Variants in ZSCAN22 observed in about 807,000 individuals in gnomAD.
ZSCAN22 encodes zinc finger and SCAN domain-containing protein 22.
In ZSCAN22, 7 loss-of-function variants were observed where a neutral mutation model predicts 12.4. The ratio of observed to expected loss-of-function variants is 0.57; its 90% CI spans 0.32 to 1.06. The LOEUF (loss-of-function observed/expected upper bound fraction) is 1.06, where lower values mean the gene tolerates loss of function less well. ZSCAN22 is among the 50% of genes least tolerant of loss of function. The pLI is 0.04. For missense variants in ZSCAN22, 576 were observed against 631.7 expected, an observed-to-expected ratio of 0.91 and a Z score of 0.94; for synonymous variants, 243 against 255.9, an observed-to-expected ratio of 0.95 and a Z score of 0.48.
chr19:58,334,080 G>A (rs1485820591), intron 1 of ZSCAN22, among the ~76,000 whole-genome samples: 3 of 152,194 alleles, frequency 2.0e-5, no homozygotes, highest in African/African-American at 7.2e-5. Context: ...AGCAAGTAAA[G>A]TGAGAGAATG....
At chr19:58,328,103 G>C (rs1210681373) in intron 1 of ZSCAN22, among the ~76,000 whole-genome samples, 1 of 152,190 alleles carries the variant, frequency 6.6e-6, no homozygotes, top group African/African-American at 2.4e-5. Flanking sequence ...CACCTGCCTA[G>C]GCCTCCCAAA....
In ZSCAN22 at chr19:58,341,742, T is replaced by C. The variant is rs908789050; in HGVS notation, c.*2416T>C. On this transcript the variant is annotated 3_prime_UTR_variant, in exon 3 of 3. Transcript: ENST00000329665. ...AGAGAGGAGAGATGCACATTCCTAGTGAAATTGCACAGGCTTCCAGCATGC... is the reference window on the plus strand; with the variant it reads ...AGAGAGGAGAGATGCACATTCCTAGCGAAATTGCACAGGCTTCCAGCATGC... 7 of 152,130 alleles carry C rather than the reference T, an allele frequency of 4.6e-5. No homozygotes were observed. The highest frequency in any genetic ancestry group is 1.7e-4 in the African/African-American group (7 of 41,412). 9.4% of individuals were successfully genotyped at this position (152,130 alleles called of 1,614,324 possible).
Position 58,338,779 on chromosome 19 carries a change from A to G in ZSCAN22, c.929A>G (p.His310Arg). The part of the protein sequence containing the change: ...ECGKAFSRST[H>R]LAQHQVVHTG... The stretch of plus-strand genomic sequence containing the variant: ...GGGAAAGCCTTCAGCCGGAGCACTC[A>G]CCTCGCCCAGCACCAGGTTGTCCAC... The change falls in exon 3 of 3, where the codon CAC (histidine) becomes CGC (arginine). Residue 310 changes from histidine to arginine, a missense_variant. Transcript: ENST00000329665. This position sits in a 1 kb window ranked among gnomAD's most constrained non-coding sequence, Gnocchi z 5.4. The G allele has an allele frequency of 6.2e-7, 1 of 1,614,024 alleles. No homozygotes were observed. Among genetic ancestry groups the G allele is most frequent in the Admixed American group, 1.7e-5 (1 of 60,004 alleles).
At chr19:58,327,817 ATC>A (rs2051672843) in intron 1 of ZSCAN22, among the ~76,000 whole-genome samples, 2 of 152,146 alleles carry the variant, frequency 1.3e-5, no homozygotes, top group African/African-American at 4.8e-5. Context: ...AATGACTGTG[ATC>A]AGAATAATAC....
chr19:58,334,504 G>C (rs1037677613), intron 1 of ZSCAN22, among the ~76,000 whole-genome samples: 1 of 152,156 alleles, frequency 6.6e-6, no homozygotes, highest in African/African-American at 2.4e-5. Flanking sequence ...ATTTTTAGTA[G>C]AGACGGGGTT....
intron 2 of ZSCAN22, among the ~76,000 whole-genome samples, chr19:58,336,017 G>T (rs2051792762): frequency 6.6e-6 from 1 of 152,170 alleles, no homozygotes; most frequent in Non-Finnish European, 1.5e-5. Context: ...ATAGGAGGTG[G>T]GCATACCACA....
Position 58,339,246 on chromosome 19 carries a change from T to C in ZSCAN22, c.1396T>C (p.Cys466Arg), listed in dbSNP as rs754224592. 6.2e-7 allele frequency: 1 copy of C among 1,614,196 alleles called. No homozygotes were observed. The change falls in exon 3 of 3, where the codon TGC becomes CGC. Residue 466 changes from cysteine (C) to arginine (R), a missense_variant. Cys to Arg is a radical substitution (Grantham distance 180). Transcript: ENST00000329665. The surrounding 1 kb of genome is among the most constrained non-coding windows in gnomAD (Gnocchi z 5.6). ...CCACACGGGAGAGAAGCCTTATAAGTGCAGCGACTGTGGGAAGGCCTTCAG... is the reference window on the plus strand; with the variant it reads ...CCACACGGGAGAGAAGCCTTATAAGCGCAGCGACTGTGGGAAGGCCTTCAG... ...RIHTGEKPYK[C>R]SDCGKAFSRS...
chr19:58,332,284 T>C (rs2147984278), intron 1 of ZSCAN22, among the ~76,000 whole-genome samples: 1 of 144,842 alleles, frequency 6.9e-6, no homozygotes, highest in Non-Finnish European at 1.5e-5. Context: ...TTTTTTTTTT[T>C]TTTTTTTGAG....
chr19:58,339,421 G>T lies in ZSCAN22; in HGVS notation c.*95G>T. Reference sequence around the variant, plus strand: ...TTCCTGAAGAGCCACAGACAGGGTGGGTGATTGATGAGTTGTCAAAATGAT... The same window carrying T: ...TTCCTGAAGAGCCACAGACAGGGTGTGTGATTGATGAGTTGTCAAAATGAT... On this transcript the variant is annotated 3_prime_UTR_variant, in exon 3 of 3. Transcript: ENST00000329665. This position sits in a 1 kb window ranked among gnomAD's most constrained non-coding sequence, Gnocchi z 5.6. 4.2e-6 allele frequency: 5 copies of T among 1,184,330 alleles called. No individual in the cohort carries two copies. The highest frequency in any genetic ancestry group is 5.8e-6 in the Non-Finnish European group (5 of 858,680). 73.4% of individuals were successfully genotyped at this position (1,184,330 alleles called of 1,614,324 possible).
intron 1 of ZSCAN22, among the ~76,000 whole-genome samples, chr19:58,328,168 A>G (rs1403133566): frequency 6.6e-6 from 1 of 152,004 alleles, no homozygotes; most frequent in Non-Finnish European, 1.5e-5. Context: ...TGTTTATTTG[A>G]CTGATTATAG....
In ZSCAN22 at chr19:58,335,025, T is replaced by C. The variant is rs778340140; in HGVS notation, c.223T>C (p.Cys75Arg). Residue 75 changes from cysteine to arginine, a missense_variant, in exon 2 of 3, where the codon TGT becomes CGT. By Grantham distance (180) the Cys-to-Arg change is radical. Coordinates refer to ENST00000329665, the MANE Select transcript of ZSCAN22 (RefSeq NM_181846.3). The surrounding 1 kb of genome is among the most constrained non-coding windows in gnomAD (Gnocchi z 4.1). ...EALAHLRALC[C>R]QWLQPEAHSK... ...CCTGGCCCACCTCCGAGCGCTGTGC[T>C]GTCAGTGGCTGCAGCCCGAGGCGCA... The C allele has an allele frequency of 6.2e-7, 1 of 1,614,098 alleles. No individual in the cohort carries two copies. The highest frequency in any genetic ancestry group is 8.5e-7 in the Non-Finnish European group (1 of 1,180,050).
Position 58,338,614 on chromosome 19 carries a change from G to A in ZSCAN22, c.764G>A (p.Gly255Glu). Reference protein sequence around the residue: ...EDKFDLVDAYGTEPPYTYSGK... With the variant: ...EDKFDLVDAYETEPPYTYSGK... ...AAATTTGATCTGGTGGATGCTTATG[G>A]GACAGAGCCTCCATACACCTACTCA... The change falls in exon 3 of 3, where the codon GGG (glycine) becomes GAG (glutamate). Residue 255 changes from glycine (G) to glutamate (E), a missense_variant. By Grantham distance (98) the Gly-to-Glu change is moderately conservative (BLOSUM62 -2). Transcript: ENST00000329665. The surrounding 1 kb of genome is among the most constrained non-coding windows in gnomAD (Gnocchi z 5.4). 1 of 1,614,206 alleles carries A rather than the reference G, an allele frequency of 6.2e-7. No homozygotes were observed. The highest frequency in any genetic ancestry group is 8.5e-7 in the Non-Finnish European group (1 of 1,180,036).
chr19:58,334,334 T>G (rs778268385), intron 1 of ZSCAN22, among the ~76,000 whole-genome samples: 5 of 152,204 alleles, frequency 3.3e-5, no homozygotes, highest in Non-Finnish European at 7.3e-5. Context: ...GTTTTTGTTT[T>G]GAGACAGAGT....
At chr19:58,332,275 T>C (rs1420031502) in intron 1 of ZSCAN22, among the ~76,000 whole-genome samples, 17 of 141,716 alleles carry the variant, frequency 1.2e-4, no homozygotes, top group Non-Finnish European at 2.6e-4. Context: ...ATGCTTTTTT[T>C]TTTTTTTTTT....
intron 2 of ZSCAN22, among the ~76,000 whole-genome samples, chr19:58,337,144 A>G (rs1178198855): frequency 2.0e-5 from 3 of 152,244 alleles, no homozygotes; most frequent in Admixed American, 1.3e-4. Flanking sequence ...TTGAGAGGCC[A>G]GATGGGTACC....
In ZSCAN22 at chr19:58,338,429, C is replaced by T; in HGVS notation, c.579C>T (p.Ile193=). The T allele has an allele frequency of 6.2e-7, 1 of 1,614,154 alleles. No homozygotes were observed. The highest frequency in any genetic ancestry group is 8.5e-7 in the Non-Finnish European group (1 of 1,180,014). Residue 193 remains isoleucine (I), a synonymous_variant, in exon 3 of 3, where the codon ATC becomes ATT. Transcript: ENST00000329665. This position sits in a 1 kb window ranked among gnomAD's most constrained non-coding sequence, Gnocchi z 5.4. ...AGAGGTCTGGACTATCAGGGGAGATCTGGACAAAGTCTGTCACCCAACAGA... is the reference window on the plus strand; with the variant it reads ...AGAGGTCTGGACTATCAGGGGAGATTTGGACAAAGTCTGTCACCCAACAGA... ...SSERSGLSGE[I]WTKSVTQQIH...
rs2051701798 is a variant in ZSCAN22 at position 58,329,873 on chromosome 19, A to G, written c.-52+2759A>G. 6.6e-6 allele frequency among the ~76,000 whole-genome samples: 1 copy of G among 152,248 alleles called. No individual in the cohort carries two copies. Among genetic ancestry groups the G allele is most frequent in the African/African-American group, 2.4e-5 (1 of 41,462 alleles). On this transcript the variant is annotated intron_variant, in intron 1 of 2. Coordinates refer to ENST00000329665, the MANE Select transcript of ZSCAN22 (RefSeq NM_181846.3). The surrounding 1 kb of genome is among the most constrained non-coding windows in gnomAD (Gnocchi z 4.1). ...CCCCTGCAGATAAGGGGGAACTACC[A>G]TAGTATAAAATACCTTGGTAAGGAT...
chr19:58,335,298 T>C lies in ZSCAN22; in HGVS notation c.403+93T>C, dbSNP rs2051784194. 2.2e-6 allele frequency: 3 copies of C among 1,389,044 alleles called. No homozygotes were observed. Among genetic ancestry groups the C allele is most frequent in the Admixed American group, 5.7e-5 (2 of 35,244 alleles). The allele number at this position is 1,389,044 out of a possible 1,614,324, so 86.0% of individuals were successfully genotyped here. A position where few individuals can be genotyped will look rare whatever the true frequency, so the allele number is the denominator to read the frequency against. On this transcript the variant is annotated intron_variant, in intron 2 of 2. Transcript: ENST00000329665. The surrounding 1 kb of genome is among the most constrained non-coding windows in gnomAD (Gnocchi z 4.1). The stretch of plus-strand genomic sequence containing the variant: ...CAGGGCTCTGGTTTGGGGTTGCTCA[T>C]GCACCCATTCTCACATTTGTACTTT...
intron 1 of ZSCAN22, among the ~76,000 whole-genome samples, chr19:58,327,430 G>T (rs1257837288): frequency 6.6e-6 from 1 of 152,226 alleles, no homozygotes; most frequent in Non-Finnish European, 1.5e-5. Flanking sequence ...CGGAGAATGT[G>T]TCGGACTGAC....
Sources: allele counts gnomAD v4.1 joint callset (sites outside exome capture counted in the v4.1 genomes callset), GRCh38; gene constraint gnomAD v4.1.1; non-coding constraint Gnocchi (gnomAD v3.1); transcripts MANE v1.5; gene names NCBI Gene and HGNC (gene_info 2026-07-23, HGNC 2026-07-21).